ANKEF1: variants seen among roughly 807,000 people sequenced by gnomAD.
ANKEF1 encodes the protein ankyrin repeat and EF-hand domain containing 1.
ANKEF1 carries 43 observed loss-of-function variants against 65.1 expected under a neutral mutation model. That is an observed-to-expected ratio of 0.66 (90% confidence interval 0.52 to 0.85). ANKEF1 has a LOEUF of 0.85. Ranked by LOEUF, ANKEF1 falls within the 40% of genes least tolerant of loss-of-function variation. The pLI is 0.00. For missense variants in ANKEF1, 934 were observed against 952.9 expected (o/e 0.98, Z 0.26); for synonymous variants, 316 against 341.5 (o/e 0.93, Z 0.82).
intron 10 of ANKEF1, 38 bp downstream of exon 10, chr20:10,054,637 G>A (rs1249164263): frequency 1.3e-6 from 2 of 1,567,358 alleles, no homozygotes; most frequent in South Asian, 1.2e-5. Context: ...CATGGTAGAA[G>A]CTCATAATGT....
At chr20:10,043,048 T>C in intron 3 of ANKEF1, 74 bp from the exon 4 acceptor site, 1 of 1,455,898 alleles carries the variant, frequency 6.9e-7, no homozygotes, top group Non-Finnish European at 9.4e-7. Context: ...TATGGATTTT[T>C]AATAATTTTA....
chr20:10,037,984 A>T (rs145881722), intron 2 of ANKEF1, among the ~76,000 whole-genome samples: 1 of 152,204 alleles, frequency 6.6e-6, no homozygotes, highest in Non-Finnish European at 1.5e-5. Flanking sequence ...CAGCTTCTTC[A>T]TGGTAAAATG....
At chr20:10,055,471 C>G in intron 10 of ANKEF1, 31 bp from the exon 11 acceptor site, 1 of 1,609,400 alleles carries the variant, frequency 6.2e-7, no homozygotes, top group Non-Finnish European at 8.5e-7. Context: ...ATACTCATAC[C>G]TGCTGGGGTA....
intron 8 of ANKEF1, among the ~76,000 whole-genome samples, chr20:10,052,161 GA>G (rs774747083): frequency 1.3e-5 from 2 of 151,860 alleles, no homozygotes; most frequent in South Asian, 2.1e-4. Flanking sequence ...AAAATAAAAT[GA>G]AAAAAATACA....
chr20:10,053,038 C>T, intron 8 of ANKEF1, 74 bp from the exon 9 acceptor site: 1 of 1,453,896 alleles, frequency 6.9e-7, no homozygotes, highest in South Asian at 1.4e-5. Flanking sequence ...AGCTGATGTG[C>T]TGAGATATTT....
intron 7 of ANKEF1, among the ~76,000 whole-genome samples, chr20:10,050,572 T>G (rs1984801232): frequency 6.6e-6 from 1 of 151,384 alleles, no homozygotes; most frequent in Admixed American, 6.6e-5. Context: ...ATAAATTAAT[T>G]AAGCCTATAG....
At chr20:10,043,460 GT>G in intron 4 of ANKEF1, 139 bp downstream of exon 4, 1 of 757,338 alleles carries the variant, frequency 1.3e-6, no homozygotes, top group Non-Finnish European at 2.1e-6. Context: ...GATGGTATAC[GT>G]TTATTATCTT....
intron 3 of ANKEF1, among the ~76,000 whole-genome samples, chr20:10,042,232 A>G (rs1276122918): frequency 6.6e-6 from 1 of 152,166 alleles, no homozygotes; most frequent in Admixed American, 6.5e-5. Flanking sequence ...CTTTGCTATC[A>G]TGGAAATGAA....
In ANKEF1 at chr20:10,050,033, T is replaced by TTCAGAGAATCATCAA; in HGVS notation, c.1472_1473insTCATCAATCAGAGAA (p.Glu490_Lys491insAsnHisGlnSerGlu). Reference sequence around the variant, plus strand: ...ATGACTCTGTTTGGTACATTGATGATTCAGAGAAGGTATTTTCAAACATTA... The same window carrying TTCAGAGAATCATCAA: ...ATGACTCTGTTTGGTACATTGATGATTCAGAGAATCATCAATCAGAGAAGGTATTTTCAAACATTA... On this transcript the variant is annotated inframe_insertion, in exon 7 of 11. Transcript: ENST00000378392. 6.2e-7 allele frequency: 1 copy of TTCAGAGAATCATCAA among 1,614,136 alleles called. No homozygotes were observed. Among genetic ancestry groups the TTCAGAGAATCATCAA allele is most frequent in the Non-Finnish European group, 8.5e-7 (1 of 1,180,020 alleles).
intron 5 of ANKEF1, among the ~76,000 whole-genome samples, chr20:10,044,790 G>C (rs116375417): frequency 6.6e-6 from 1 of 151,802 alleles, no homozygotes; most frequent in Admixed American, 6.6e-5. Flanking sequence ...CTGTACACTC[G>C]ATGATAACAA....
At position 10,057,125 on chromosome 20, in the gene ANKEF1, T is replaced by C. The variant is rs1444556098; in HGVS notation, c.*1465T>C. The C allele has an allele frequency of 1.3e-5, 2 of 152,188 alleles. No individual in the cohort carries two copies. Among genetic ancestry groups the C allele is most frequent in the Non-Finnish European group, 2.9e-5 (2 of 68,036 alleles). 9.4% of individuals were successfully genotyped at this position (152,188 alleles called of 1,614,324 possible). ...AATCTGCCTTACCAGAAGGCACCAA[T>C]TGCAGATTACAGCTCTGTCAGTCAC... On this transcript the variant is annotated 3_prime_UTR_variant, in exon 11 of 11. Transcript: ENST00000378392.
chr20:10,051,762 A>G lies in ANKEF1; in HGVS notation c.1743A>G (p.Gly581=), dbSNP rs1473678133. The G allele has an allele frequency of 1.9e-6, 3 of 1,613,846 alleles. No individual in the cohort carries two copies. The East Asian group carries it at 6.7e-5, about 36-fold the overall frequency. The change falls in exon 8 of 11, where the codon GGA becomes GGG. Residue 581 remains glycine (G), a synonymous_variant. Coordinates refer to ENST00000378392, the MANE Select transcript of ANKEF1 (RefSeq NM_022096.6). ...QDIVELLVES[G]ALIDAASINN... ...TTGTTGAGCTTCTTGTTGAATCTGG[A>G]GCTTTAATAGATGCAGCTTCAATCA...
chr20:10,051,713 C>T lies in ANKEF1; in HGVS notation c.1694C>T (p.Ala565Val). ...TTTCTGTGGACTCCACTTCATTTTG[C>T]ATGCCATGCAGGCCAACAAGACATT... is the stretch of plus-strand genomic sequence containing the variant. ...DNFLWTPLHF[A>V]CHAGQQDIVE... Residue 565 changes from alanine to valine, a missense_variant, in exon 8 of 11, where the codon GCA becomes GTA. Physicochemically the swap from Ala to Val is moderately conservative, Grantham distance 64. Coordinates refer to ENST00000378392, the MANE Select transcript of ANKEF1 (RefSeq NM_022096.6). 6.2e-7 allele frequency: 1 copy of T among 1,613,742 alleles called. No individual in the cohort carries two copies. Among genetic ancestry groups the T allele is most frequent in the East Asian group, 2.2e-5 (1 of 44,860 alleles).
intron 3 of ANKEF1, among the ~76,000 whole-genome samples, chr20:10,041,230 G>A (rs1984170463): frequency 6.6e-6 from 1 of 151,266 alleles, no homozygotes; most frequent in South Asian, 2.1e-4. Flanking sequence ...GTATATGTGT[G>A]TTTTTCTTTA....
chr20:10,044,619 A>G lies in ANKEF1; in HGVS notation c.696+76A>G, dbSNP rs1984403302. The G allele has an allele frequency of 1.5e-5, 23 of 1,505,034 alleles. No homozygotes were observed. In the South Asian group the frequency reaches 2.6e-4, roughly 17 times the overall value. 93.2% of individuals were successfully genotyped at this position (1,505,034 alleles called of 1,614,324 possible). A position where few individuals can be genotyped will look rare whatever the true frequency, so the allele number is the denominator to read the frequency against. On this transcript the variant is annotated intron_variant, in intron 5 of 10. Coordinates refer to ENST00000378392, the MANE Select transcript of ANKEF1 (RefSeq NM_022096.6). Reference sequence around the variant, plus strand: ...TTTTTCTCAAATTTTTTTATATGTCATATAGAGTACGCTAAGGCAGACATT... The same window carrying G: ...TTTTTCTCAAATTTTTTTATATGTCGTATAGAGTACGCTAAGGCAGACATT...
intron 5 of ANKEF1, among the ~76,000 whole-genome samples, chr20:10,044,882 T>G: frequency 6.6e-6 from 1 of 152,158 alleles, no homozygotes; most frequent in East Asian, 1.9e-4. Flanking sequence ...TATGATCTAA[T>G]TATGGGAGAA....
intron 2 of ANKEF1, among the ~76,000 whole-genome samples, chr20:10,036,031 A>G (rs898568326): frequency 4.6e-5 from 7 of 152,132 alleles, no homozygotes; most frequent in Admixed American, 4.6e-4. Context: ...TTTACAAGGA[A>G]CCCAGGACCC....
chr20:10,049,478 ACG>A lies in ANKEF1; in HGVS notation c.911_912del (p.Arg304ProfsTer7), dbSNP rs1300766071. 3.1e-6 allele frequency: 5 copies of A among 1,614,006 alleles called. No homozygotes were observed. The highest frequency in any genetic ancestry group is 4.2e-6 in the Non-Finnish European group (5 of 1,180,016). On this transcript the variant is annotated frameshift_variant, in exon 7 of 11. Coordinates refer to ENST00000378392, the MANE Select transcript of ANKEF1 (RefSeq NM_022096.6). LOFTEE classifies it high-confidence loss of function. The part of the protein sequence containing the change: ...GGFKAASKEI[R>X]RAERIANKLA... ...GCTTCAAAGCAGCAAGCAAAGAAATACGCCGAGCAGAGAGAATCGCTAATAAA... is the reference window on the plus strand; with the variant it reads ...GCTTCAAAGCAGCAAGCAAAGAAATACCGAGCAGAGAGAATCGCTAATAAA...
Position 10,053,232 on chromosome 20 carries a change from C to CT in ANKEF1, c.1992dup (p.Pro665SerfsTer6), listed in dbSNP as rs1984968317. The CT allele has an allele frequency of 3.1e-6, 5 of 1,611,694 alleles. No individual in the cohort carries two copies. Among genetic ancestry groups the CT allele is most frequent in the Non-Finnish European group, 4.2e-6 (5 of 1,179,294 alleles). On this transcript the variant is annotated frameshift_variant, in exon 9 of 11. Transcript: ENST00000378392. LOFTEE classifies it high-confidence loss of function. ...AATCAAAAACTAAAAGGCAAGACACCTCCTATACTGAAGACTGAAGGCCCT... is the reference window on the plus strand; with the variant it reads ...AATCAAAAACTAAAAGGCAAGACACCTTCCTATACTGAAGACTGAAGGCCCT...
Sources: gnomAD v4.1 joint callset for allele counts (sites outside exome capture counted in the v4.1 genomes callset) on GRCh38, gnomAD v4.1.1 for gene constraint, MANE v1.5 for transcripts, NCBI Gene and HGNC (gene_info 2026-07-23, HGNC 2026-07-21) for gene names.